The following PIK3R5 variants were observed in gnomAD, a reference collection of about 807,000 sequenced individuals.
PIK3R5 encodes phosphoinositide-3-kinase regulatory subunit 5, also known as phosphoinositide 3-kinase regulatory subunit 5.
In PIK3R5, 32 loss-of-function variants were observed where a neutral mutation model predicts 94.9. That is an observed-to-expected ratio of 0.34 (90% confidence interval 0.25 to 0.45). The LOEUF (loss-of-function observed/expected upper bound fraction) is 0.45, where lower values mean the gene tolerates loss of function less well. Among genes scored for constraint, PIK3R5 ranks in the 20% least tolerant of loss-of-function variants. The pLI, the probability that PIK3R5 is intolerant of heterozygous loss-of-function variation, is 1.00. For missense variants in PIK3R5, 853 were observed against 1,144.6 expected (o/e 0.75, Z 3.68); for synonymous variants, 443 against 479.4 (o/e 0.92, Z 0.99).
At chr17:8,883,194 C>T (rs578217179) in intron 15 of PIK3R5, among the ~76,000 whole-genome samples, 3 of 152,210 alleles carry the variant, frequency 2.0e-5, no homozygotes, top group African/African-American at 7.2e-5. Context: ...GTGGTGAAAC[C>T]CCGTCTCTAC....
At chr17:8,898,179 A>G (rs772709208) in intron 5 of PIK3R5, among the ~76,000 whole-genome samples, 2 of 152,246 alleles carry the variant, frequency 1.3e-5, no homozygotes, top group Non-Finnish European at 2.9e-5. Flanking sequence ...GACAAAAAGT[A>G]TAAAATCCAA....
Position 8,887,660 on chromosome 17 carries a change from A to T in PIK3R5, c.1640T>A (p.Leu547His). 6.2e-7 allele frequency: 1 copy of T among 1,604,180 alleles called. No individual in the cohort carries two copies. The stretch of plus-strand genomic sequence containing the variant: ...CTGAAGTTTGAAGAACCGTGTGAGG[A>T]GTGGGCGATTGTTCTCCAGCCGCCT... The part of the protein sequence containing the change: ...NLRRLENNRP[L>H]LTRFFKLQFF... The change falls in exon 11 of 19, where the codon CTC becomes CAC. Residue 547 changes from leucine (L) to histidine (H), a missense_variant. Leu to His is a moderately conservative substitution (Grantham distance 99). Transcript: ENST00000447110.
chr17:8,935,448 C>T lies in PIK3R5; in HGVS notation c.-13-23941G>A, dbSNP rs2091055592. Among the ~76,000 whole-genome samples, 1 of 152,134 alleles carries T rather than the reference C, an allele frequency of 6.6e-6. No homozygotes were observed. Among genetic ancestry groups the T allele is most frequent in the Admixed American group, 6.5e-5 (1 of 15,274 alleles). On this transcript the variant is annotated intron_variant, in intron 1 of 18. Transcript: ENST00000447110. This position sits in a 1 kb window ranked among gnomAD's most constrained non-coding sequence, Gnocchi z 4.5. ...GTGTTGAACGAGTCGTTTTTGGCCACCCACAGTGTGGGCAGGTTGCCTGGG... is the reference window on the plus strand; with the variant it reads ...GTGTTGAACGAGTCGTTTTTGGCCATCCACAGTGTGGGCAGGTTGCCTGGG...
intron 1 of PIK3R5, among the ~76,000 whole-genome samples, chr17:8,964,722 G>C (rs2091633914): frequency 6.6e-6 from 1 of 152,206 alleles, no homozygotes; most frequent in South Asian, 2.1e-4. Flanking sequence ...CTGAGGGCAG[G>C]AAGGAAAGTG....
chr17:8,904,972 T>A lies in PIK3R5; in HGVS notation c.274-57A>T, dbSNP rs1181365038. ...TCTAGGTGAGAAAAGGCTCAGATAG[T>A]CCCAGACAGCTTCTGCTCCCTTTCT... On this transcript the variant is annotated intron_variant, in intron 4 of 18. Transcript: ENST00000447110. This position sits in a 1 kb window ranked among gnomAD's most constrained non-coding sequence, Gnocchi z 5.1. 1 of 1,555,612 alleles carries A rather than the reference T, an allele frequency of 6.4e-7. No individual in the cohort carries two copies. The highest frequency in any genetic ancestry group is 1.1e-5 in the South Asian group (1 of 89,320).
chr17:8,911,262 A>T lies in PIK3R5; in HGVS notation c.103+130T>A. ...CAGGCACCTGCCCAGGAGAAGGCTG[A>T]GGCTTGCCCAAGTCACACAGACAGG... On this transcript the variant is annotated intron_variant, in intron 2 of 18. Transcript: ENST00000447110. This position sits in a 1 kb window ranked among gnomAD's most constrained non-coding sequence, Gnocchi z 5.3. The T allele has an allele frequency of 1.4e-6, 1 of 691,378 alleles. No individual in the cohort carries two copies. The highest frequency in any genetic ancestry group is 1.7e-5 in the South Asian group (1 of 58,484). 42.8% of individuals were successfully genotyped at this position (691,378 alleles called of 1,614,324 possible). A position where few individuals can be genotyped will look rare whatever the true frequency, so the allele number is the denominator to read the frequency against.
intron 1 of PIK3R5, among the ~76,000 whole-genome samples, chr17:8,952,975 C>T (rs546881677): frequency 6.6e-6 from 1 of 152,240 alleles, no homozygotes; most frequent in African/African-American, 2.4e-5. Flanking sequence ...TTGATGGGAA[C>T]CTGGCAGAGT....
chr17:8,886,147 A>C, intron 14 of PIK3R5, 82 bp downstream of exon 14: 2 of 1,049,438 alleles, frequency 1.9e-6, no homozygotes, highest in Non-Finnish European at 2.9e-6. Flanking sequence ...CCCACCTCCC[A>C]GGTAACCCCA....
intron 5 of PIK3R5, among the ~76,000 whole-genome samples, chr17:8,899,222 G>T (rs1014843806): frequency 3.9e-5 from 6 of 152,240 alleles, no homozygotes; most frequent in Non-Finnish European, 7.3e-5. Context: ...GAGTCAGGAA[G>T]CAGGGGGAGG....
In PIK3R5 at chr17:8,883,950, C is replaced by T. The variant is rs369358068; in HGVS notation, c.2205+757G>A. 4.6e-5 allele frequency among the ~76,000 whole-genome samples: 7 copies of T among 152,302 alleles called. No individual in the cohort carries two copies. In the South Asian group the frequency reaches 6.2e-4, roughly 14 times the overall value. On this transcript the variant is annotated intron_variant, in intron 15 of 18. Transcript: ENST00000447110. ...CCTGCCCACCTCCTTCACTGCCAAA[C>T]GCACTGCAGCCCCAACACCACCGTC...
chr17:8,887,682 G>T lies in PIK3R5; in HGVS notation c.1618C>A (p.Arg540=). Residue 540 remains arginine, a splice_region_variant and synonymous_variant, in exon 11 of 19, where the codon CGG becomes AGG. Coordinates refer to ENST00000447110, the MANE Select transcript of PIK3R5 (RefSeq NM_001142633.3). The part of the protein sequence containing the change: ...KVARAYSNLR[R]LENNRPLLTR... The stretch of plus-strand genomic sequence containing the variant: ...AGGAGTGGGCGATTGTTCTCCAGCC[G>T]CCTGGCAAGAAGAAGATGGTGAGAA... 4 of 1,590,622 alleles carry T rather than the reference G, an allele frequency of 2.5e-6. No individual in the cohort carries two copies. The highest frequency in any genetic ancestry group is 3.4e-6 in the Non-Finnish European group (4 of 1,168,340).
rs61761107 is a variant in PIK3R5, at chr17:8,886,215, C to G, written c.2128+14G>C. On this transcript the variant is annotated intron_variant, in intron 14 of 18. Coordinates refer to ENST00000447110, the MANE Select transcript of PIK3R5 (RefSeq NM_001142633.3). Reference sequence around the variant, plus strand: ...CCCCGCCTCACCGTCTGTCTCTGCTCAGGCAGTACCCACCTGACGCCTTGA... The same window carrying G: ...CCCCGCCTCACCGTCTGTCTCTGCTGAGGCAGTACCCACCTGACGCCTTGA... 3,485 of 1,601,000 alleles carry G rather than the reference C, an allele frequency of 2.2e-3. 62 individuals are homozygous for G. The African/African-American group carries it at 0.039, about 18-fold the overall frequency.
intron 3 of PIK3R5, among the ~76,000 whole-genome samples, chr17:8,906,645 G>T (rs1016367876): frequency 2.0e-5 from 3 of 152,092 alleles, no homozygotes; most frequent in Non-Finnish European, 4.4e-5. Flanking sequence ...CACTTTGGGA[G>T]GCCGAGGCAG....
intron 1 of PIK3R5, among the ~76,000 whole-genome samples, chr17:8,953,204 A>G (rs2091407930): frequency 6.6e-6 from 1 of 152,204 alleles, no homozygotes; most frequent in Non-Finnish European, 1.5e-5. Context: ...TCTGCTAGGC[A>G]ACTCAAGTAC....
Position 8,945,148 on chromosome 17 carries a change from C to T in PIK3R5, c.-14+20448G>A, listed in dbSNP as rs1277789702. On this transcript the variant is annotated intron_variant, in intron 1 of 18. Transcript: ENST00000447110. The surrounding 1 kb of genome is among the most constrained non-coding windows in gnomAD (Gnocchi z 4.0). The stretch of plus-strand genomic sequence containing the variant: ...AGCCAAACCCTGGCTCGGCCCCTCA[C>T]CCCACTTCGAAGAGGGGATCTACAT... Among the ~76,000 whole-genome samples, 1 of 152,168 alleles carries T rather than the reference C, an allele frequency of 6.6e-6. No homozygotes were observed. The highest frequency in any genetic ancestry group is 1.5e-5 in the Non-Finnish European group (1 of 68,030).
Position 8,955,678 on chromosome 17 carries a change from A to T in PIK3R5, c.-14+9918T>A, listed in dbSNP as rs1401987149. On this transcript the variant is annotated intron_variant, in intron 1 of 18. Transcript: ENST00000447110. The surrounding 1 kb of genome is among the most constrained non-coding windows in gnomAD (Gnocchi z 4.4). Reference sequence around the variant, plus strand: ...AGAGAGAACAATGGGGAAGTGAGAGAAACAAGAGCCATGGAGAAAGGAAGC... The same window carrying T: ...AGAGAGAACAATGGGGAAGTGAGAGTAACAAGAGCCATGGAGAAAGGAAGC... Among the ~76,000 whole-genome samples the T allele has an allele frequency of 6.6e-6, 1 of 152,158 alleles. No homozygotes were observed. The highest frequency in any genetic ancestry group is 1.9e-4 in the East Asian group (1 of 5,192).
intron 5 of PIK3R5, among the ~76,000 whole-genome samples, chr17:8,901,702 T>C (rs867814223): frequency 2.0e-5 from 3 of 152,238 alleles, no homozygotes; most frequent in African/African-American, 7.2e-5. Context: ...ATAACATACT[T>C]AGTATTGGGG....
rs1364926476 is a variant in PIK3R5 at position 8,886,580 on chromosome 17, G to A, written c.1931C>T (p.Ala644Val). The change falls in exon 13 of 19, where the codon GCC (alanine) becomes GTC (valine). Residue 644 changes from alanine (A) to valine (V), a missense_variant. Transcript: ENST00000447110. ...CQQSLKAEAQALEGSPTQLPI... is the reference protein window; with the variant it reads ...CQQSLKAEAQVLEGSPTQLPI... Reference sequence around the variant, plus strand: ...CAGCTGGGTTGGGGAGCCCTCCAGGGCCTGGGCTTCAGCCTTCAGGGACTG... The same window carrying A: ...CAGCTGGGTTGGGGAGCCCTCCAGGACCTGGGCTTCAGCCTTCAGGGACTG... The A allele has an allele frequency of 1.2e-6, 2 of 1,606,792 alleles. No homozygotes were observed. The highest frequency in any genetic ancestry group is 1.7e-6 in the Non-Finnish European group (2 of 1,176,860).
At position 8,896,541 on chromosome 17, in the gene PIK3R5, G is replaced by T. The variant is rs1171142012; in HGVS notation, c.413-2886C>A. The stretch of plus-strand genomic sequence containing the variant: ...ACCCCATACAGGCGAAGAACGGGGT[G>T]AGTGGGCAGAACACACTCATAGTGA... On this transcript the variant is annotated intron_variant, in intron 5 of 18. Coordinates refer to ENST00000447110, the MANE Select transcript of PIK3R5 (RefSeq NM_001142633.3). The surrounding 1 kb of genome is among the most constrained non-coding windows in gnomAD (Gnocchi z 4.0). Among the ~76,000 whole-genome samples the T allele has an allele frequency of 6.6e-6, 1 of 152,192 alleles. No individual in the cohort carries two copies. The highest frequency in any genetic ancestry group is 2.4e-5 in the African/African-American group (1 of 41,452).
Sources: allele counts gnomAD v4.1 joint callset (sites outside exome capture counted in the v4.1 genomes callset), GRCh38; gene constraint gnomAD v4.1.1; non-coding constraint Gnocchi (gnomAD v3.1); transcripts MANE v1.5; gene names NCBI Gene and HGNC (gene_info 2026-07-23, HGNC 2026-07-21).